The following TWIST2 variants were observed in gnomAD, a reference collection of about 807,000 sequenced individuals.
TWIST2 encodes the protein twist-related protein 2.
Under a neutral mutation model 11.6 loss-of-function variants are expected in TWIST2, and 1 was observed. That is an observed-to-expected ratio of 0.09 (90% CI 0.03 to 0.41). The LOEUF (loss-of-function observed/expected upper bound fraction) is 0.41, where lower values mean the gene tolerates loss of function less well. Ranked by LOEUF, TWIST2 falls within the 10% of genes least tolerant of loss-of-function variation. The pLI, the probability that TWIST2 is intolerant of heterozygous loss-of-function variation, is 0.98. For synonymous variants in TWIST2, 87 were observed against 96.6 expected, an observed-to-expected ratio of 0.90 and a Z score of 0.58; for missense variants, 168 against 226.4, an observed-to-expected ratio of 0.74 and a Z score of 1.66.
At chr2:238,865,863 G>A (rs1454950136) in intron 1 of TWIST2, among the ~76,000 whole-genome samples, 1 of 152,256 alleles carries the variant, frequency 6.6e-6, no homozygotes, top group East Asian at 1.9e-4. Flanking sequence ...CTTGTGTGGT[G>A]GAAATGCCAT....
intron 1 of TWIST2, among the ~76,000 whole-genome samples, chr2:238,894,701 G>A: frequency 6.6e-6 from 1 of 152,106 alleles, no homozygotes; most frequent in Non-Finnish European, 1.5e-5. Flanking sequence ...CTTCCTGGCT[G>A]TGCCTCCCAT....
chr2:238,857,515 C>T (rs1165081651), intron 1 of TWIST2, among the ~76,000 whole-genome samples: 1 of 152,234 alleles, frequency 6.6e-6, no homozygotes, highest in African/African-American at 2.4e-5. Context: ...TCAGGCCAGG[C>T]CACTGCTGCG....
intron 1 of TWIST2, among the ~76,000 whole-genome samples, chr2:238,880,020 T>C (rs36153069): frequency 2.0e-5 from 3 of 152,204 alleles, no homozygotes; most frequent in Non-Finnish European, 4.4e-5. Context: ...GGCTCTGGGC[T>C]GCCAACATTG....
intron 1 of TWIST2, among the ~76,000 whole-genome samples, chr2:238,889,883 G>GATAT (rs1233626574): frequency 1.3e-5 from 2 of 152,220 alleles, no homozygotes; most frequent in African/African-American, 2.4e-5. Flanking sequence ...GATTGCCAAG[G>GATAT]ATGATATATA....
chr2:238,865,210 G>A (rs1181608854), intron 1 of TWIST2, among the ~76,000 whole-genome samples: 1 of 152,194 alleles, frequency 6.6e-6, no homozygotes, highest in Non-Finnish European at 1.5e-5. Context: ...CATAGACAGA[G>A]CTGTGGGCAG....
intron 1 of TWIST2, 39 bp downstream of exon 1, chr2:238,848,772 G>T: frequency 7.6e-7 from 1 of 1,314,758 alleles, no homozygotes; most frequent in Non-Finnish European, 9.6e-7. Flanking sequence ...TCCGCTGCGG[G>T]GGGCGGGCGG....
rs566546146 is a variant in TWIST2, at chr2:238,890,195, G to A, written c.*36-19647G>A. Among the ~76,000 whole-genome samples, 1,433 of 152,198 alleles carry A rather than the reference G, an allele frequency of 9.4e-3. 15 individuals carry two copies. The highest frequency in any genetic ancestry group is 0.032 in the African/African-American group (1,342 of 41,526). Reference sequence around the variant, plus strand: ...CAGGGAGGTGGCAGCACCAGGGGATGCCACACAGCCAGGAGCCTGCTGGGC... The same window carrying A: ...CAGGGAGGTGGCAGCACCAGGGGATACCACACAGCCAGGAGCCTGCTGGGC... On this transcript the variant is annotated intron_variant, in intron 1 of 1. Transcript: ENST00000612363.
At chr2:238,903,534 GGTGT>G (rs1164868087) in intron 1 of TWIST2, among the ~76,000 whole-genome samples, 1 of 111,518 alleles carries the variant, frequency 9.0e-6, no homozygotes, top group African/African-American at 3.5e-5. Context: ...TCTAATGTGA[GGTGT>G]GTGTGGGTTG....
intron 1 of TWIST2, among the ~76,000 whole-genome samples, chr2:238,907,523 C>A (rs1226967269): frequency 6.6e-6 from 1 of 152,134 alleles, no homozygotes; most frequent in Admixed American, 6.5e-5. Context: ...AGAGCTGCAC[C>A]AAGCCTGGCA....
chr2:238,856,557 TAAAAG>T (rs1365336390), intron 1 of TWIST2, among the ~76,000 whole-genome samples: 2 of 151,776 alleles, frequency 1.3e-5, no homozygotes, highest in South Asian at 2.1e-4. Context: ...AAGGACAAAA[TAAAAG>T]AGAAGGTTAG....
At chr2:238,873,295 T>TGGGAG (rs757947167) in intron 1 of TWIST2, among the ~76,000 whole-genome samples, 5 of 151,324 alleles carry the variant, frequency 3.3e-5, no homozygotes, top group Admixed American at 6.6e-5. Context: ...AAGCTTGCCA[T>TGGGAG]GGGAGGGGAG....
chr2:238,896,830 C>T (rs1005372191), intron 1 of TWIST2, among the ~76,000 whole-genome samples: 22 of 152,288 alleles, frequency 1.4e-4, no homozygotes, highest in African/African-American at 4.8e-4. Context: ...GCCTCCTTGT[C>T]ACTCACCAGC....
chr2:238,866,393 T>C lies in TWIST2; in HGVS notation c.*35+17660T>C, dbSNP rs1255389770. On this transcript the variant is annotated intron_variant, in intron 1 of 1. Coordinates refer to ENST00000612363, the MANE Select transcript of TWIST2 (RefSeq NM_001271893.4). This position sits in a 1 kb window ranked among gnomAD's most constrained non-coding sequence, Gnocchi z 4.9. ...GGCACCTTCGGCCAGGCACAGTGGC[T>C]CACACCTGTAATCCTGGCACTTTGG... Among the ~76,000 whole-genome samples, 2 of 152,204 alleles carry C rather than the reference T, an allele frequency of 1.3e-5. No individual in the cohort carries two copies. Among genetic ancestry groups the C allele is most frequent in the Non-Finnish European group, 2.9e-5 (2 of 68,038 alleles).
Position 238,866,992 on chromosome 2 carries a change from A to G in TWIST2, c.*35+18259A>G, listed in dbSNP as rs138899244. ...CCCACCAAGTACACCAAGAAACTAC[A>G]CTGTGTCTGATGCAAACGCATGTTT... On this transcript the variant is annotated intron_variant, in intron 1 of 1. Coordinates refer to ENST00000612363, the MANE Select transcript of TWIST2 (RefSeq NM_001271893.4). The surrounding 1 kb of genome is among the most constrained non-coding windows in gnomAD (Gnocchi z 4.9). Among the ~76,000 whole-genome samples, 4,804 of 152,134 alleles carry G rather than the reference A, an allele frequency of 0.032. 251 individuals carry two copies. The highest frequency in any genetic ancestry group is 0.11 in the African/African-American group (4,545 of 41,452).
intron 1 of TWIST2, among the ~76,000 whole-genome samples, chr2:238,877,066 G>A (rs976497577): frequency 6.6e-6 from 1 of 151,952 alleles, no homozygotes. Context: ...GCGTGGTGGC[G>A]CTTACCTGTG....
At chr2:238,878,080 T>C (rs1188983363) in intron 1 of TWIST2, among the ~76,000 whole-genome samples, 1 of 152,170 alleles carries the variant, frequency 6.6e-6, no homozygotes, top group East Asian at 1.9e-4. Context: ...CAAAAAGGAA[T>C]GACCTGGAGG....
rs1353655978 is a variant in TWIST2 at position 238,866,424 on chromosome 2, T to G, written c.*35+17691T>G. Among the ~76,000 whole-genome samples the G allele has an allele frequency of 1.3e-5, 2 of 152,188 alleles. No individual in the cohort carries two copies. The highest frequency in any genetic ancestry group is 4.8e-5 in the African/African-American group (2 of 41,450). On this transcript the variant is annotated intron_variant, in intron 1 of 1. Coordinates refer to ENST00000612363, the MANE Select transcript of TWIST2 (RefSeq NM_001271893.4). The surrounding 1 kb of genome is among the most constrained non-coding windows in gnomAD (Gnocchi z 4.9). ...CTGTAATCCTGGCACTTTGGGAGGC[T>G]GAGGCAGGCAGATCACGAGGTCAGG...
chr2:238,902,718 T>G (rs1253621966), intron 1 of TWIST2, among the ~76,000 whole-genome samples: 4 of 106,858 alleles, frequency 3.7e-5, no homozygotes, highest in Non-Finnish European at 7.7e-5. Context: ...GTGTGTGTGA[T>G]GTGTGTGTGA....
chr2:238,905,846 T>TGTGTGTGTGC (rs1182405723), intron 1 of TWIST2, among the ~76,000 whole-genome samples: 2 of 73,938 alleles, frequency 2.7e-5, no homozygotes, highest in Admixed American at 2.6e-4. Context: ...AAAAAGTGTG[T>TGTGTGTGTGC]GTGTGTGTGC....
Sources: allele counts gnomAD v4.1 joint callset (sites outside exome capture counted in the v4.1 genomes callset), GRCh38; gene constraint gnomAD v4.1.1; non-coding constraint Gnocchi (gnomAD v3.1); transcripts MANE v1.5; gene names NCBI Gene and HGNC (gene_info 2026-07-23, HGNC 2026-07-21).